The following CACNA1D variants were observed in gnomAD, a reference collection of about 807,000 sequenced individuals.
CACNA1D encodes calcium voltage-gated channel subunit alpha1 D, also known as voltage-dependent L-type calcium channel subunit alpha-1D.
A neutral mutation model predicts 257.1 loss-of-function variants in CACNA1D; 55 were observed. The observed-to-expected ratio is 0.21, with a 90% CI of 0.17 to 0.27. The LOEUF is 0.27. CACNA1D is among the 10% of genes least tolerant of loss of function. The probability of loss-of-function intolerance (pLI) is 1.00; values close to 1 mark genes in which losing one functional copy is unlikely to be tolerated. For missense variants in CACNA1D, 1,876 were observed against 2,784.0 expected (o/e 0.67, Z 7.34); for synonymous variants, 980 against 1,014.9 (o/e 0.97, Z 0.65).
At chr3:53,689,522 G>A (rs915620065) in intron 8 of CACNA1D, among the ~76,000 whole-genome samples, 2 of 152,094 alleles carry the variant, frequency 1.3e-5, no homozygotes, top group East Asian at 3.9e-4. Flanking sequence ...AGGTGCAGAG[G>A]TGGAGATGGA....
chr3:53,655,269 A>G (rs963095421), intron 4 of CACNA1D, among the ~76,000 whole-genome samples: 4 of 152,358 alleles, frequency 2.6e-5, no homozygotes, highest in African/African-American at 9.6e-5. Context: ...ATAGTGCCAC[A>G]GTGAACATTA....
chr3:53,691,963 C>G (rs931022837), intron 8 of CACNA1D, among the ~76,000 whole-genome samples: 1 of 69,126 alleles, frequency 1.4e-5, no homozygotes, highest in Non-Finnish European at 3.0e-5. Flanking sequence ...ATACAAGACT[C>G]CTGCTTGTTT....
intron 3 of CACNA1D, among the ~76,000 whole-genome samples, chr3:53,526,344 G>A (rs558858272): frequency 6.6e-6 from 1 of 152,332 alleles, no homozygotes; most frequent in South Asian, 2.1e-4. Flanking sequence ...CCCATTGTCA[G>A]GACAGCCTGA....
intron 3 of CACNA1D, among the ~76,000 whole-genome samples, chr3:53,599,667 A>C (rs2093416910): frequency 6.6e-6 from 1 of 152,214 alleles, no homozygotes; most frequent in African/African-American, 2.4e-5. Context: ...GCATTAATTG[A>C]ATGACACGAT....
chr3:53,691,743 ATATAT>A (rs1186066540), intron 8 of CACNA1D, among the ~76,000 whole-genome samples: 1 of 48,092 alleles, frequency 2.1e-5, no homozygotes, highest in African/African-American at 9.9e-5. Context: ...TATATATTAC[ATATAT>A]AATATATATT....
intron 31 of CACNA1D, 80 bp downstream of exon 31, chr3:53,770,097 T>A: frequency 3.5e-6 from 4 of 1,142,638 alleles, no homozygotes; most frequent in Non-Finnish European, 5.3e-6. Context: ...CACTGGTTTT[T>A]CTGTATTCTC....
intron 3 of CACNA1D, among the ~76,000 whole-genome samples, chr3:53,560,748 A>G (rs545233001): frequency 5.9e-5 from 9 of 152,216 alleles, no homozygotes; most frequent in Non-Finnish European, 1.2e-4. Flanking sequence ...TGTGTCATGA[A>G]TTATTATTTT....
rs1179290487 is a variant in CACNA1D at position 53,743,622 on chromosome 3, A to G, written c.2918+505A>G. Among the ~76,000 whole-genome samples, 6 of 152,372 alleles carry G rather than the reference A, an allele frequency of 3.9e-5. No homozygotes were observed. In the East Asian group the frequency reaches 9.6e-4, roughly 24 times the overall value. ...CAGCTAGGAGGGAGCCAAGGCTGAA[A>G]GTCAGGGCCCCAGGTCTTTTCCATG... On this transcript the variant is annotated intron_variant, in intron 22 of 47. Transcript: ENST00000350061.
At chr3:53,787,050 A>C in intron 40 of CACNA1D, 98 bp downstream of exon 40, 1 of 1,320,596 alleles carries the variant, frequency 7.6e-7, no homozygotes, top group Non-Finnish European at 1.1e-6. Flanking sequence ...GAGCAGTACC[A>C]CAAGGATTTT....
At chr3:53,754,779 C>T (rs1391006839) in intron 29 of CACNA1D, among the ~76,000 whole-genome samples, 7 of 152,226 alleles carry the variant, frequency 4.6e-5, no homozygotes, top group Non-Finnish European at 1.0e-4. Flanking sequence ...TGTAAGGTAT[C>T]TGACGACACT....
intron 43 of CACNA1D, 141 bp downstream of exon 43, chr3:53,802,314 G>C (rs766880054): frequency 4.4e-5 from 35 of 803,522 alleles, no homozygotes; most frequent in Non-Finnish European, 7.3e-5. Flanking sequence ...TGGACTCAGA[G>C]GTCAGAGGTT....
chr3:53,724,742 A>G (rs1047036079), intron 14 of CACNA1D, among the ~76,000 whole-genome samples: 2 of 152,190 alleles, frequency 1.3e-5, no homozygotes, highest in African/African-American at 2.4e-5. Flanking sequence ...GAGCCCTGCC[A>G]GAGAGGAAAG....
At chr3:53,758,869 T>C (rs966608119) in intron 29 of CACNA1D, among the ~76,000 whole-genome samples, 26 of 152,098 alleles carry the variant, frequency 1.7e-4, no homozygotes, top group Middle Eastern at 3.2e-3. Context: ...TCTTGTATCT[T>C]ATCTTCTGGT....
chr3:53,509,605 C>G (rs548053198), intron 3 of CACNA1D, among the ~76,000 whole-genome samples: 1 of 151,990 alleles, frequency 6.6e-6, no homozygotes, highest in Non-Finnish European at 1.5e-5. Context: ...GGGGCTGACC[C>G]GAGGGAGGGC....
At chr3:53,805,487 A>C (rs955727854) in intron 45 of CACNA1D, among the ~76,000 whole-genome samples, 2 of 152,170 alleles carry the variant, frequency 1.3e-5, no homozygotes, top group Non-Finnish European at 2.9e-5. Flanking sequence ...CAAACCACAC[A>C]CATGCTTTTG....
chr3:53,682,341 G>A (rs1872999), intron 8 of CACNA1D, among the ~76,000 whole-genome samples: 31,839 of 123,878 alleles, frequency 0.26, 4,090 homozygotes, highest in East Asian at 0.45. Flanking sequence ...CAGCCTGGGC[G>A]ACATAGCGAG....
Position 53,696,218 on chromosome 3 carries a change from A to G in CACNA1D, c.1221-6423A>G, listed in dbSNP as rs541591914. ...CCTGGCCTCAAGCAATCCTCCCACC[A>G]TCACCTCCCAAAATGTTGGTATTTC... On this transcript the variant is annotated intron_variant, in intron 8 of 47. Coordinates refer to ENST00000350061, the MANE Select transcript of CACNA1D (RefSeq NM_001128840.3). 3.9e-5 allele frequency among the ~76,000 whole-genome samples: 6 copies of G among 152,192 alleles called. No individual in the cohort carries two copies. In the East Asian group the frequency reaches 5.8e-4, roughly 15 times the overall value.
intron 21 of CACNA1D, among the ~76,000 whole-genome samples, chr3:53,742,618 C>T (rs1201220181): frequency 6.6e-6 from 1 of 152,234 alleles, no homozygotes. Context: ...ACAAGGTAGG[C>T]TCTACCAGGG....
intron 37 of CACNA1D, among the ~76,000 whole-genome samples, chr3:53,779,405 G>A (rs377064676): frequency 1.3e-4 from 19 of 151,432 alleles, no homozygotes; most frequent in Admixed American, 3.9e-4. Flanking sequence ...GTATATGTAT[G>A]TATGTGTGTG....
Sources: allele counts gnomAD v4.1 joint callset (sites outside exome capture counted in the v4.1 genomes callset), GRCh38; gene constraint gnomAD v4.1.1; transcripts MANE v1.5; gene names NCBI Gene and HGNC (gene_info 2026-07-23, HGNC 2026-07-21).